SNRNP27: variants seen among roughly 807,000 people sequenced by gnomAD.
The protein encoded by SNRNP27 is U4/U6.U5 small nuclear ribonucleoprotein 27 kDa protein.
A neutral mutation model predicts 25.1 loss-of-function variants in SNRNP27; 22 were observed. The ratio of observed to expected loss-of-function variants is 0.88; its 90% CI spans 0.63 to 1.25. The LOEUF (loss-of-function observed/expected upper bound fraction) is 1.25, where lower values mean the gene tolerates loss of function less well. SNRNP27 is among the 50% of genes most tolerant of loss of function. The pLI is 0.00. For missense variants in SNRNP27, 150 were observed against 202.3 expected (o/e 0.74, Z 1.57); for synonymous variants, 66 against 64.9 (o/e 1.02, Z -0.08).
At chr2:69,902,254 TCCTTCTTTCTTCTCCTTCCTCCTC>T (rs1676712533) in intron 4 of SNRNP27, among the ~76,000 whole-genome samples, 1 of 148,536 alleles carries the variant, frequency 6.7e-6, no homozygotes, top group Non-Finnish European at 1.5e-5. Context: ...CCTTCCTCCT[TCCTTCTTTCTTCTCCTTCCTCCTC>T]CTCCTTCCTC....
chr2:69,900,301 A>C (rs971755494), intron 4 of SNRNP27, among the ~76,000 whole-genome samples: 1 of 152,234 alleles, frequency 6.6e-6, no homozygotes, highest in Admixed American at 6.5e-5. Context: ...AGGGCTAATA[A>C]TATGCAATTC....
At chr2:69,898,499 C>T (rs1158997203) in intron 4 of SNRNP27, among the ~76,000 whole-genome samples, 1 of 152,070 alleles carries the variant, frequency 6.6e-6, no homozygotes, top group East Asian at 1.9e-4. Context: ...AATCTCTTTT[C>T]TAGAATTTTA....
intron 3 of SNRNP27, 130 bp downstream of exon 3, chr2:69,896,678 T>G (rs1399430209): frequency 2.4e-6 from 2 of 837,000 alleles, no homozygotes; most frequent in South Asian, 4.5e-5. Flanking sequence ...TTTTTTTGGT[T>G]TTTTTTTTTT....
intron 3 of SNRNP27, 34 bp downstream of exon 3, chr2:69,896,582 TAC>T: frequency 2.0e-6 from 3 of 1,536,776 alleles, no homozygotes; most frequent in Non-Finnish European, 2.6e-6. Flanking sequence ...GTAGGAAAAG[TAC>T]AGTGATGATA....
intron 4 of SNRNP27, among the ~76,000 whole-genome samples, chr2:69,902,683 T>G (rs199920985): frequency 8.2e-6 from 1 of 122,680 alleles, no homozygotes; most frequent in Admixed American, 7.7e-5. Flanking sequence ...TGCTGCTCCT[T>G]CTGCTGCTCT....
chr2:69,896,576 GA>G, intron 3 of SNRNP27, 28 bp downstream of exon 3: 2 of 1,558,972 alleles, frequency 1.3e-6, no homozygotes, highest in Non-Finnish European at 1.7e-6. Flanking sequence ...ATAACTGTAG[GA>G]AAAGTACAGT....
intron 3 of SNRNP27, 107 bp from the exon 4 acceptor site, chr2:69,897,270 T>C: frequency 1.4e-6 from 1 of 694,090 alleles, no homozygotes; most frequent in Non-Finnish European, 2.5e-6. Context: ...GTTTTGTGTG[T>C]TCTCTGCTAG....
intron 3 of SNRNP27, 128 bp downstream of exon 3, chr2:69,896,676 G>GTT (rs35135448): frequency 0.023 from 15,042 of 668,212 alleles, 3 homozygotes; most frequent in South Asian, 0.041. Context: ...GTTTTTTTTG[G>GTT]TTTTTTTTTT....
rs1424456989 is a variant in SNRNP27 at position 69,895,208 on chromosome 2, G to C, written c.149G>C (p.Arg50Pro). 3 of 1,613,604 alleles carry C rather than the reference G, an allele frequency of 1.9e-6. No individual in the cohort carries two copies. The highest frequency in any genetic ancestry group is 1.7e-5 in the Admixed American group (1 of 59,876). Residue 50 changes from arginine (R) to proline (P), a missense_variant, in exon 2 of 6, where the codon CGC becomes CCC. Physicochemically the swap from Arg to Pro is moderately radical, Grantham distance 103. Transcript: ENST00000244227. ...RSRSRSPHRR[R>P]SRSPRRHRST... is the part of the protein sequence containing the mutation. Reference sequence around the variant, plus strand: ...CGCTCGCGATCCCCGCACCGAAGACGCTCCCGGTAAGGGCAGAAAATAAGC... The same window carrying C: ...CGCTCGCGATCCCCGCACCGAAGACCCTCCCGGTAAGGGCAGAAAATAAGC...
chr2:69,902,931 T>C (rs1676732763), intron 4 of SNRNP27, among the ~76,000 whole-genome samples: 2 of 130,104 alleles, frequency 1.5e-5, no homozygotes, highest in Admixed American at 7.7e-5. Context: ...CCTCCTTTCT[T>C]CTTCTTCTTT....
chr2:69,902,871 G>A (rs1225962869), intron 4 of SNRNP27, among the ~76,000 whole-genome samples: 19 of 140,278 alleles, frequency 1.4e-4, no homozygotes, highest in Non-Finnish European at 6.1e-5. Flanking sequence ...CCTCCCCCTC[G>A]GCCCCCGCTT....
chr2:69,896,954 G>A (rs1381867509), intron 3 of SNRNP27, among the ~76,000 whole-genome samples: 2 of 152,082 alleles, frequency 1.3e-5, no homozygotes, highest in Non-Finnish European at 2.9e-5. Flanking sequence ...GATTATAGAC[G>A]TGAACCACCG....
chr2:69,897,184 T>A (rs3752781), intron 3 of SNRNP27, among the ~76,000 whole-genome samples, 193 bp from the exon 4 acceptor site: 78,410 of 151,588 alleles, frequency 0.52, 21,590 homozygotes, highest in African/African-American at 0.72. Context: ...AGGAGAGGAC[T>A]TTTTTTTTGT....
chr2:69,901,778 G>T (rs2104124070), intron 4 of SNRNP27, among the ~76,000 whole-genome samples: 1 of 152,274 alleles, frequency 6.6e-6, no homozygotes, highest in South Asian at 2.1e-4. Context: ...CTATGATCAC[G>T]CCACTGCACT....
chr2:69,896,234 C>T (rs1414691355), intron 2 of SNRNP27, among the ~76,000 whole-genome samples: 1 of 152,120 alleles, frequency 6.6e-6, no homozygotes, highest in Non-Finnish European at 1.5e-5. Context: ...CCTAGTTGTA[C>T]TGAATGCAAC....
At chr2:69,902,276 C>G (rs1328669882) in intron 4 of SNRNP27, among the ~76,000 whole-genome samples, 3 of 149,782 alleles carry the variant, frequency 2.0e-5, no homozygotes, top group Non-Finnish European at 4.5e-5. Flanking sequence ...CTCCTTCCTC[C>G]TCCTCCTTCC....
chr2:69,896,333 A>G lies in SNRNP27; in HGVS notation c.156-103A>G. ...CCTTTTTCCTCACTTTGCTATACGG[A>G]ATGACTCGTGGTTCTGTGGAGCTCA... is the stretch of plus-strand genomic sequence containing the variant. On this transcript the variant is annotated intron_variant, in intron 2 of 5. Transcript: ENST00000244227. 3 of 1,096,380 alleles carry G rather than the reference A, an allele frequency of 2.7e-6. No homozygotes were observed. The South Asian group carries it at 4.6e-5, about 17-fold the overall frequency. 67.9% of individuals were successfully genotyped at this position (1,096,380 alleles called of 1,614,324 possible). A position where few individuals can be genotyped will look rare whatever the true frequency, so the allele number is the denominator to read the frequency against.
At chr2:69,902,473 G>T (rs1172574549) in intron 4 of SNRNP27, among the ~76,000 whole-genome samples, 1 of 151,710 alleles carries the variant, frequency 6.6e-6, no homozygotes, top group African/African-American at 2.4e-5. Context: ...GGCTTCTGCT[G>T]CTGCTGTTTC....
At chr2:69,896,362 CAT>C in intron 2 of SNRNP27, 72 bp from the exon 3 acceptor site, 1 of 1,362,124 alleles carries the variant, frequency 7.3e-7, no homozygotes, top group Non-Finnish European at 1.0e-6. Context: ...GAGCTCACCT[CAT>C]GTATATCTGT....
Sources: gnomAD v4.1 joint callset for allele counts (sites outside exome capture counted in the v4.1 genomes callset) on GRCh38, gnomAD v4.1.1 for gene constraint, MANE v1.5 for transcripts, NCBI Gene and HGNC (gene_info 2026-07-23, HGNC 2026-07-21) for gene names.